Variants in SYNCRIP observed in about 807,000 individuals in gnomAD.
SYNCRIP encodes the protein synaptotagmin binding cytoplasmic RNA interacting protein.
In SYNCRIP, 9 loss-of-function variants were observed where a neutral mutation model predicts 68.9. That is an observed-to-expected ratio of 0.13 (90% CI 0.08 to 0.23). The LOEUF is 0.23. Ranked by LOEUF, SYNCRIP falls within the 10% of genes least tolerant of loss-of-function variation. The pLI, the probability that SYNCRIP is intolerant of heterozygous loss-of-function variation, is 1.00. For synonymous variants in SYNCRIP, 258 were observed against 254.0 expected (o/e 1.02, Z -0.15); for missense variants, 414 against 770.6 (o/e 0.54, Z 5.48).
chr6:85,642,350 G>T (rs1011171262), intron 1 of SYNCRIP, among the ~76,000 whole-genome samples: 1 of 152,134 alleles, frequency 6.6e-6, no homozygotes, highest in Non-Finnish European at 1.5e-5. Flanking sequence ...TTACCCTTCC[G>T]TGCAGTGACT....
intron 6 of SYNCRIP, 90 bp downstream of exon 6, chr6:85,636,877 T>C (rs1808520235): frequency 3.1e-6 from 4 of 1,306,988 alleles, no homozygotes; most frequent in South Asian, 1.6e-5. Context: ...CTTCAAAAAA[T>C]GTTTGGTAAA....
intron 6 of SYNCRIP, among the ~76,000 whole-genome samples, chr6:85,631,863 T>C (rs1197556428): frequency 6.6e-6 from 1 of 152,124 alleles, no homozygotes; most frequent in Non-Finnish European, 1.5e-5. Context: ...GCAGAAAGGG[T>C]TGTTGAGGCT....
Position 85,615,060 on chromosome 6 carries a change from T to A in SYNCRIP, c.1568A>T (p.Tyr523Phe), listed in dbSNP as rs1562073033. 13 of 1,614,128 alleles carry A rather than the reference T, an allele frequency of 8.1e-6. No individual in the cohort carries two copies. The highest frequency in any genetic ancestry group is 1.1e-5 in the Non-Finnish European group (13 of 1,180,022). ...GAAPPRGRAG[Y>F]SQRGGPGSAR... ...TGATCCAGGACCTCCTCTCTGTGAA[T>A]AACCGGCTCTACCGCGGGGAGGAGC... is the stretch of plus-strand genomic sequence containing the variant. Residue 523 changes from tyrosine to phenylalanine, a missense_variant, in exon 11 of 11, where the codon TAT becomes TTT. Around this residue, in one of 6 missense-constraint regions of SYNCRIP, gnomAD observed 130 missense variants for 149.0 expected, o/e 0.87. Transcript: ENST00000369622.
chr6:85,609,912 A>G (rs1187423179), downstream of SYNCRIP: 1 of 151,974 alleles, frequency 6.6e-6, no homozygotes, highest in Non-Finnish European at 1.5e-5. Context: ...TGTCAAAGCC[A>G]AGAACCCATA....
In SYNCRIP at chr6:85,640,575, T is replaced by C; in HGVS notation, c.149-11A>G. The C allele has an allele frequency of 6.6e-7, 1 of 1,513,486 alleles. No individual in the cohort carries two copies. The highest frequency in any genetic ancestry group is 8.9e-7 in the Non-Finnish European group (1 of 1,118,620). The allele number at this position is 1,513,486 out of a possible 1,614,324, so 93.8% of individuals were successfully genotyped here. On this transcript the variant is annotated splice_polypyrimidine_tract_variant and intron_variant, in intron 2 of 10. Coordinates refer to ENST00000369622, the MANE Select transcript of SYNCRIP (RefSeq NM_006372.5). ...TATGTGCAACTAGCCCTGAAAAAAATAAAAGTTATCAGCTTTTAATATTTT... is the reference window on the plus strand; with the variant it reads ...TATGTGCAACTAGCCCTGAAAAAAACAAAAGTTATCAGCTTTTAATATTTT...
chr6:85,617,500 ACT>A (rs1016341759), intron 10 of SYNCRIP, among the ~76,000 whole-genome samples: 2 of 152,050 alleles, frequency 1.3e-5, no homozygotes, highest in Non-Finnish European at 2.9e-5. Flanking sequence ...ATTAAAACTA[ACT>A]CTTTTTGTAG....
chr6:85,627,673 T>C (rs1221414632), intron 6 of SYNCRIP, among the ~76,000 whole-genome samples: 1 of 152,148 alleles, frequency 6.6e-6, no homozygotes, highest in African/African-American at 2.4e-5. Context: ...ACTACAGTGG[T>C]ATAAAAAAAC....
chr6:85,635,731 T>C (rs1001232431), intron 6 of SYNCRIP, among the ~76,000 whole-genome samples: 1 of 126,750 alleles, frequency 7.9e-6, no homozygotes, highest in Non-Finnish European at 1.6e-5. Flanking sequence ...GATCGCACCA[T>C]GGCACTCCTG....
At chr6:85,619,204 T>C (rs1806113533) in intron 9 of SYNCRIP, 64 bp downstream of exon 9, 2 of 1,580,992 alleles carry the variant, frequency 1.3e-6, no homozygotes, top group East Asian at 4.5e-5. Flanking sequence ...AAAACTATTT[T>C]GAGATTCTAA....
downstream of SYNCRIP, chr6:85,612,729 T>C: frequency 1.4e-6 from 1 of 689,944 alleles, no homozygotes; most frequent in Non-Finnish European, 2.2e-6. Context: ...CAAGTATTAG[T>C]TCAATGTCCC....
intron 6 of SYNCRIP, among the ~76,000 whole-genome samples, chr6:85,632,774 T>C (rs1807953104): frequency 6.6e-6 from 1 of 151,698 alleles, no homozygotes; most frequent in African/African-American, 2.4e-5. Context: ...AGACACCACC[T>C]CTACAAGTTT....
chr6:85,621,293 G>A (rs1440292927), intron 8 of SYNCRIP, among the ~76,000 whole-genome samples: 2 of 152,156 alleles, frequency 1.3e-5, no homozygotes, highest in South Asian at 2.1e-4. Context: ...CACCTAACCT[G>A]TAAGTAACAA....
At chr6:85,642,318 G>A (rs1363754629) in intron 1 of SYNCRIP, among the ~76,000 whole-genome samples, 1 of 152,098 alleles carries the variant, frequency 6.6e-6, no homozygotes, top group Non-Finnish European at 1.5e-5. Flanking sequence ...GACCCGTGGC[G>A]CGCTGTGCAG....
At position 85,641,391 on chromosome 6, in the gene SYNCRIP, T is replaced by C; in HGVS notation, c.49A>G (p.Thr17Ala). The C allele has an allele frequency of 1.2e-6, 2 of 1,613,626 alleles. No individual in the cohort carries two copies. Among genetic ancestry groups the C allele is most frequent in the Non-Finnish European group, 1.7e-6 (2 of 1,179,962 alleles). ...NGNGTEEPMD[T>A]TSAVIHSENF... ...TCTGAATGGATAACTGCAGAAGTAG[T>C]ATCCATGGGCTCTTCAGTACCATTT... The change falls in exon 2 of 11, where the codon ACT becomes GCT. Residue 17 changes from threonine to alanine, a missense_variant. Physicochemically the swap from Thr to Ala is moderately conservative, Grantham distance 58. Transcript: ENST00000369622.
intron 6 of SYNCRIP, among the ~76,000 whole-genome samples, chr6:85,628,965 T>C (rs1807387762): frequency 6.6e-6 from 1 of 152,132 alleles, no homozygotes; most frequent in African/African-American, 2.4e-5. Flanking sequence ...CTTTCCAAAA[T>C]CTCCGATCTT....
downstream of SYNCRIP, chr6:85,611,919 G>A (rs1283248483): frequency 6.6e-6 from 1 of 152,606 alleles, no homozygotes; most frequent in East Asian, 1.9e-4. Context: ...GTTTTAGTCT[G>A]ACTTTTTATA....
At chr6:85,628,419 C>T (rs1460665787) in intron 6 of SYNCRIP, among the ~76,000 whole-genome samples, 1 of 152,156 alleles carries the variant, frequency 6.6e-6, no homozygotes, top group African/African-American at 2.4e-5. Context: ...TTAAATAAAC[C>T]TATTTCTTTC....
At chr6:85,611,259 T>C (rs1016960878), downstream of SYNCRIP, 1 of 152,348 alleles carries the variant, frequency 6.6e-6, no homozygotes, top group African/African-American at 2.4e-5. Context: ...CACATTTATA[T>C]TAATGACACA....
chr6:85,629,516 C>A (rs369066260), intron 6 of SYNCRIP, among the ~76,000 whole-genome samples: 335 of 64,804 alleles, frequency 5.2e-3, no homozygotes, highest in Middle Eastern at 0.012. Flanking sequence ...ACTAAAAATA[C>A]AAAAAAAAAA....
Sources: gnomAD v4.1 joint callset for allele counts (sites outside exome capture counted in the v4.1 genomes callset) on GRCh38, gnomAD v4.1.1 for gene constraint, gnomAD v4.1.1 regional missense constraint, MANE v1.5 for transcripts, NCBI Gene and HGNC (gene_info 2026-07-23, HGNC 2026-07-21) for gene names.